Variants in OSBPL3 observed in about 807,000 individuals in gnomAD.
The protein encoded by OSBPL3 is oxysterol-binding protein-related protein 3.
Under a neutral mutation model 120.1 loss-of-function variants are expected in OSBPL3, and 65 were observed. The ratio of observed to expected loss-of-function variants is 0.54; its 90% CI spans 0.44 to 0.67. The LOEUF is 0.67. Among genes scored for constraint, OSBPL3 ranks in the 30% least tolerant of loss-of-function variants. The pLI is 0.00. For missense variants in OSBPL3, 1,004 were observed against 1,082.1 expected (o/e 0.93, Z 1.01); for synonymous variants, 416 against 402.6 (o/e 1.03, Z -0.40).
At chr7:24,839,186 G>A (rs1378471732) in intron 14 of OSBPL3, among the ~76,000 whole-genome samples, 1 of 152,202 alleles carries the variant, frequency 6.6e-6, no homozygotes, top group Non-Finnish European at 1.5e-5. Context: ...ATGAAAATAG[G>A]TGGTGCTTTG....
At position 24,870,789 on chromosome 7, in the gene OSBPL3, T is replaced by A. The variant is rs41275970; in HGVS notation, c.324A>T (p.Val108=). The change falls in exon 5 of 23, where the codon GTA becomes GTT. Residue 108 remains valine, a synonymous_variant. Transcript: ENST00000313367. ...CIDVGLSVMS[V]KKSSKCIDLD... ...GGTCTATGCATTTTGATGACTTCTT[T>A]ACAGACATCACTGAGAGCCCGACAT... 6 of 1,613,940 alleles carry A rather than the reference T, an allele frequency of 3.7e-6. No homozygotes were observed. The highest frequency in any genetic ancestry group is 5.1e-6 in the Non-Finnish European group (6 of 1,179,804).
intron 5 of OSBPL3, among the ~76,000 whole-genome samples, chr7:24,869,156 TA>T (rs1352821517): frequency 6.6e-6 from 1 of 152,192 alleles, no homozygotes; most frequent in East Asian, 1.9e-4. Flanking sequence ...AAACAGAACT[TA>T]AAGCAAATCA....
intron 1 of OSBPL3, among the ~76,000 whole-genome samples, chr7:24,942,715 C>G (rs569371638): frequency 6.6e-6 from 1 of 152,114 alleles, no homozygotes; most frequent in African/African-American, 2.4e-5. Context: ...ATACATATGT[C>G]GTATATTTTA....
chr7:24,807,302 G>A (rs59139080), intron 20 of OSBPL3, among the ~76,000 whole-genome samples: 64,439 of 151,452 alleles, frequency 0.43, 15,522 homozygotes, highest in East Asian at 0.79. Context: ...AGACCAGCCT[G>A]GCCAACATGG....
chr7:24,981,350 A>T (rs1563038552), upstream of OSBPL3: 1 of 152,148 alleles, frequency 6.6e-6, no homozygotes, highest in Non-Finnish European at 1.5e-5. This position sits in a 1 kb window ranked among gnomAD's most constrained non-coding sequence, Gnocchi z 7.3. Flanking sequence ...AGGCGAAGGG[A>T]ATAGCAAATA....
chr7:24,956,827 C>T (rs1815116563), intron 1 of OSBPL3, among the ~76,000 whole-genome samples: 1 of 152,090 alleles, frequency 6.6e-6, no homozygotes, highest in South Asian at 2.1e-4. Context: ...ACCCTTCAAC[C>T]ATTATTAATT....
chr7:24,879,377 G>A lies in OSBPL3; in HGVS notation c.97-7308C>T, dbSNP rs1452027278. On this transcript the variant is annotated intron_variant, in intron 2 of 22. Transcript: ENST00000313367. This position sits in a 1 kb window ranked among gnomAD's most constrained non-coding sequence, Gnocchi z 5.6. ...CACTTGGGTTCTGATGACTAAATGG[G>A]AGTAGCAGTCATCACCCGCCACCGT... is the stretch of plus-strand genomic sequence containing the variant. Among the ~76,000 whole-genome samples, 2 of 152,124 alleles carry A rather than the reference G, an allele frequency of 1.3e-5. No individual in the cohort carries two copies. Among genetic ancestry groups the A allele is most frequent in the African/African-American group, 4.8e-5 (2 of 41,410 alleles).
rs189671708 is a variant in OSBPL3 at position 24,801,379 on chromosome 7, G to A, written c.2568-1100C>T. 1.2e-4 allele frequency among the ~76,000 whole-genome samples: 19 copies of A among 152,038 alleles called. No individual in the cohort carries two copies. The East Asian group carries it at 3.3e-3, about 26-fold the overall frequency. ...GGCGCAAAAGGGTATACAGCTTCAA[G>A]TTTTTATCTTCCCCCTCTCTGCCAG... On this transcript the variant is annotated intron_variant, in intron 22 of 22. Transcript: ENST00000313367.
Position 24,852,581 on chromosome 7 carries a change from GT to G in OSBPL3, c.1080del (p.Lys360AsnfsTer2). 1 of 1,610,266 alleles carries G rather than the reference GT, an allele frequency of 6.2e-7. No individual in the cohort carries two copies. Reference protein sequence around the residue: ...AFNIMSAEREKLKQLMEQDAS... With the variant: ...AFNIMSAEREXLKQLMEQDAS... ...GCATCCTGCTCCATCAGCTGCTTCA[GT>G]TTCTCTCTCTCCGCTGACATGATAT... On this transcript the variant is annotated frameshift_variant, in exon 11 of 23. Transcript: ENST00000313367. LOFTEE classifies it high-confidence loss of function. The surrounding 1 kb of genome is among the most constrained non-coding windows in gnomAD (Gnocchi z 4.1).
intron 10 of OSBPL3, among the ~76,000 whole-genome samples, chr7:24,857,101 T>C (rs1799931015): frequency 6.6e-6 from 1 of 152,210 alleles, no homozygotes; most frequent in South Asian, 2.1e-4. Flanking sequence ...TGGCTTTTTA[T>C]TCAATGCTTC....
Position 24,955,163 on chromosome 7 carries a change from T to A in OSBPL3, c.-150+24723A>T, listed in dbSNP as rs1814887590. ...CAACATTTGAACAGTGTCTGGCACA[T>A]AACAGACTTCCAAAAAATTATTTTT... is the stretch of plus-strand genomic sequence containing the variant. On this transcript the variant is annotated intron_variant, in intron 1 of 22. Coordinates refer to ENST00000313367, the MANE Select transcript of OSBPL3 (RefSeq NM_015550.4). This position sits in a 1 kb window ranked among gnomAD's most constrained non-coding sequence, Gnocchi z 4.3. Among the ~76,000 whole-genome samples, 1 of 152,222 alleles carries A rather than the reference T, an allele frequency of 6.6e-6. No individual in the cohort carries two copies. The highest frequency in any genetic ancestry group is 6.5e-5 in the Admixed American group (1 of 15,282).
chr7:24,829,585 C>G (rs1796127890), intron 16 of OSBPL3, among the ~76,000 whole-genome samples: 1 of 152,186 alleles, frequency 6.6e-6, no homozygotes, highest in African/African-American at 2.4e-5. Context: ...CCCCCCTTCT[C>G]CTCAGTTCTC....
At position 24,966,822 on chromosome 7, in the gene OSBPL3, G is replaced by A. The variant is rs1021678110; in HGVS notation, c.-150+13064C>T. ...AGGCTGGGCTTGTTGTGCCTCATGA[G>A]GCTGATCATTATTTCCCAGGCAAAA... On this transcript the variant is annotated intron_variant, in intron 1 of 22. Coordinates refer to ENST00000313367, the MANE Select transcript of OSBPL3 (RefSeq NM_015550.4). This position sits in a 1 kb window ranked among gnomAD's most constrained non-coding sequence, Gnocchi z 4.8. Among the ~76,000 whole-genome samples the A allele has an allele frequency of 6.6e-6, 1 of 152,184 alleles. No individual in the cohort carries two copies. Among genetic ancestry groups the A allele is most frequent in the African/African-American group, 2.4e-5 (1 of 41,448 alleles).
At chr7:24,888,372 T>C (rs1185514691) in intron 2 of OSBPL3, among the ~76,000 whole-genome samples, 2 of 152,190 alleles carry the variant, frequency 1.3e-5, no homozygotes, top group Non-Finnish European at 2.9e-5. Context: ...ATGAAAAAAC[T>C]GAGGTTTGGA....
rs1218690620 is a variant in OSBPL3 at position 24,802,236 on chromosome 7, C to T, written c.2568-1957G>A. ...CTCAATTTGGTCTGAGCTCCAGCTT[C>T]CACTTAGAATTTTCAGTGATTTTGT... On this transcript the variant is annotated intron_variant, in intron 22 of 22. Transcript: ENST00000313367. This position sits in a 1 kb window ranked among gnomAD's most constrained non-coding sequence, Gnocchi z 4.1. Among the ~76,000 whole-genome samples the T allele has an allele frequency of 1.3e-5, 2 of 152,158 alleles. No individual in the cohort carries two copies. The highest frequency in any genetic ancestry group is 2.9e-5 in the Non-Finnish European group (2 of 68,026).
In OSBPL3 at chr7:24,892,406, T is replaced by C. The variant is rs749155263; in HGVS notation, c.67A>G (p.Ser23Gly). 1.2e-6 allele frequency: 2 copies of C among 1,613,542 alleles called. No individual in the cohort carries two copies. Among genetic ancestry groups the C allele is most frequent in the African/African-American group, 2.7e-5 (2 of 74,928 alleles). ...KLVSPSRSTSSCSSKQGSRQD... is the reference protein window; with the variant it reads ...KLVSPSRSTSGCSSKQGSRQD... ...CGACTTCCTTGCTTGGAAGAGCAGC[T>C]ACTTGTGCTCCTTGAAGGTGATACC... The change falls in exon 2 of 23, where the codon AGC becomes GGC. Residue 23 changes from serine (S) to glycine (G), a missense_variant. Physicochemically the swap from Ser to Gly is moderately conservative, Grantham distance 56 (BLOSUM62 0). Coordinates refer to ENST00000313367, the MANE Select transcript of OSBPL3 (RefSeq NM_015550.4).
At chr7:24,840,581 T>A in intron 14 of OSBPL3, 109 bp downstream of exon 14, 1 of 492,988 alleles carries the variant, frequency 2.0e-6, no homozygotes, top group Non-Finnish European at 3.6e-6. Flanking sequence ...TTCATCTGCA[T>A]GGGGTATCAG....
rs941497554 is a variant in OSBPL3 at position 24,872,939 on chromosome 7, TTTATTA to T, written c.97-876_97-871del. Reference sequence around the variant, plus strand: ...ACTTCAGTGACTGGGAGAATTTATTTTTATTATTATTTTTACATTTTTATTGGGGTA... The same window carrying T: ...ACTTCAGTGACTGGGAGAATTTATTTTTATTTTTACATTTTTATTGGGGTA... On this transcript the variant is annotated intron_variant, in intron 2 of 22. Coordinates refer to ENST00000313367, the MANE Select transcript of OSBPL3 (RefSeq NM_015550.4). This position sits in a 1 kb window ranked among gnomAD's most constrained non-coding sequence, Gnocchi z 4.1. Among the ~76,000 whole-genome samples the T allele has an allele frequency of 2.0e-5, 3 of 152,294 alleles. No individual in the cohort carries two copies. The East Asian group carries it at 5.8e-4, about 29-fold the overall frequency.
Position 24,852,272 on chromosome 7 carries a change from T to C in OSBPL3, c.1158+232A>G, listed in dbSNP as rs1339197334. ...AGAGAAACAAAAAAATTAAGATCAG[T>C]CAGAGGAAACCAAACTTAAAGAAGG... On this transcript the variant is annotated intron_variant, in intron 11 of 22. Coordinates refer to ENST00000313367, the MANE Select transcript of OSBPL3 (RefSeq NM_015550.4). The surrounding 1 kb of genome is among the most constrained non-coding windows in gnomAD (Gnocchi z 4.1). Among the ~76,000 whole-genome samples, 1 of 152,076 alleles carries C rather than the reference T, an allele frequency of 6.6e-6. No individual in the cohort carries two copies. The highest frequency in any genetic ancestry group is 2.4e-5 in the African/African-American group (1 of 41,384).
Sources: gnomAD v4.1 joint callset for allele counts (sites outside exome capture counted in the v4.1 genomes callset) on GRCh38, gnomAD v4.1.1 for gene constraint, Gnocchi (gnomAD v3.1) non-coding constraint, MANE v1.5 for transcripts, NCBI Gene and HGNC (gene_info 2026-07-23, HGNC 2026-07-21) for gene names.